Variants in MAGI2 observed in about 807,000 individuals in gnomAD.
MAGI2 encodes the protein membrane-associated guanylate kinase, WW and PDZ domain-containing protein 2.
In MAGI2, 35 loss-of-function variants were observed where a neutral mutation model predicts 133.3. The observed-to-expected ratio is 0.26, with a 90% CI of 0.20 to 0.35. The LOEUF (loss-of-function observed/expected upper bound fraction) is 0.35, where lower values mean the gene tolerates loss of function less well. Among genes scored for constraint, MAGI2 ranks in the 10% least tolerant of loss-of-function variants. The pLI, the probability that MAGI2 is intolerant of heterozygous loss-of-function variation, is 1.00. For synonymous variants in MAGI2, 729 were observed against 710.6 expected, an observed-to-expected ratio of 1.03 and a Z score of -0.41; for missense variants, 1,636 against 1,863.4, an observed-to-expected ratio of 0.88 and a Z score of 2.25.
chr7:78,435,887 G>C (rs890222362), intron 6 of MAGI2, among the ~76,000 whole-genome samples: 1 of 152,158 alleles, frequency 6.6e-6, no homozygotes, highest in Non-Finnish European at 1.5e-5. Context: ...ACACATCCAA[G>C]TTGGTAGGTA....
intron 9 of MAGI2, among the ~76,000 whole-genome samples, chr7:78,342,397 G>T (rs1213290369): frequency 6.6e-6 from 1 of 152,208 alleles, no homozygotes; most frequent in African/African-American, 2.4e-5. Flanking sequence ...GGAAGACAGT[G>T]TGGCAATTCC....
At chr7:78,462,699 T>A (rs1409615282) in intron 6 of MAGI2, among the ~76,000 whole-genome samples, 3 of 152,246 alleles carry the variant, frequency 2.0e-5, no homozygotes. Context: ...AATGAATGAT[T>A]AATATTTTCC....
intron 1 of MAGI2, among the ~76,000 whole-genome samples, chr7:79,385,913 C>G (rs945293330): frequency 1.3e-5 from 2 of 151,912 alleles, no homozygotes; most frequent in African/African-American, 4.8e-5. Flanking sequence ...ATTTTACTCT[C>G]TCTATGAATC....
chr7:78,177,950 T>C, intron 14 of MAGI2, 61 bp downstream of exon 14: 1 of 1,154,922 alleles, frequency 8.7e-7, no homozygotes, highest in Non-Finnish European at 1.3e-6. Context: ...AACACTATTT[T>C]CCCTGGTGTT....
chr7:79,248,585 T>C (rs1206755175), intron 1 of MAGI2, among the ~76,000 whole-genome samples: 3 of 152,156 alleles, frequency 2.0e-5, no homozygotes, highest in Admixed American at 6.5e-5. Flanking sequence ...CCTTAGTACA[T>C]GGATCATTCT....
In MAGI2 at chr7:78,194,543, T is replaced by TA. The variant is rs201755439; in HGVS notation, c.2269+330dup. The stretch of plus-strand genomic sequence containing the variant: ...AGGCTCAAGATCAGATTAAACAGAT[T>TA]AAAAAAAAAGCCAAACACTTCTTTT... On this transcript the variant is annotated intron_variant, in intron 12 of 21. Coordinates refer to ENST00000354212, the MANE Select transcript of MAGI2 (RefSeq NM_012301.4). 1.3e-4 allele frequency among the ~76,000 whole-genome samples: 20 copies of TA among 151,068 alleles called. No homozygotes were observed. The East Asian group carries it at 3.5e-3, about 26-fold the overall frequency.
At chr7:78,829,956 G>A (rs1015645932) in intron 2 of MAGI2, among the ~76,000 whole-genome samples, 1 of 151,946 alleles carries the variant, frequency 6.6e-6, no homozygotes, top group African/African-American at 2.4e-5. Context: ...TTTGGTGTTT[G>A]TTAGAAAGTT....
intron 1 of MAGI2, among the ~76,000 whole-genome samples, chr7:79,229,781 A>C (rs972447747): frequency 6.6e-6 from 1 of 151,706 alleles, no homozygotes; most frequent in African/African-American, 2.4e-5. Flanking sequence ...TTTTTTTTTA[A>C]GTTTTTTTAA....
At chr7:78,926,512 C>G (rs1272516662) in intron 2 of MAGI2, among the ~76,000 whole-genome samples, 3 of 151,948 alleles carry the variant, frequency 2.0e-5, no homozygotes, top group East Asian at 3.9e-4. Context: ...GCCATCCATA[C>G]AGTTCCTGTC....
At chr7:78,893,431 G>T (rs1056191084) in intron 2 of MAGI2, among the ~76,000 whole-genome samples, 4 of 152,058 alleles carry the variant, frequency 2.6e-5, no homozygotes, top group Non-Finnish European at 5.9e-5. Flanking sequence ...ACAGGCACAC[G>T]TATGTTTATT....
At chr7:78,679,700 C>A (rs550812461) in intron 2 of MAGI2, among the ~76,000 whole-genome samples, 1 of 152,040 alleles carries the variant, frequency 6.6e-6, no homozygotes, top group Non-Finnish European at 1.5e-5. Context: ...AAAGACAGGT[C>A]GGAGGAAGCA....
At chr7:78,864,795 C>A (rs1184406393) in intron 2 of MAGI2, among the ~76,000 whole-genome samples, 1 of 152,110 alleles carries the variant, frequency 6.6e-6, no homozygotes. Context: ...ATTTAGGGTT[C>A]ATTTTTTCCC....
At chr7:78,410,712 G>A (rs1348314767) in intron 6 of MAGI2, among the ~76,000 whole-genome samples, 2 of 151,848 alleles carry the variant, frequency 1.3e-5, no homozygotes, top group African/African-American at 4.8e-5. Context: ...GAGAAAAAGA[G>A]TAAGATGGGA....
intron 6 of MAGI2, among the ~76,000 whole-genome samples, chr7:78,455,993 A>C (rs564341808): frequency 3.2e-4 from 49 of 151,942 alleles, no homozygotes; most frequent in African/African-American, 1.0e-3. Context: ...TTTTCTTTAC[A>C]GCTCTCAGGG....
chr7:78,703,821 CAT>C (rs1409232902), intron 2 of MAGI2, among the ~76,000 whole-genome samples: 5 of 83,674 alleles, frequency 6.0e-5, no homozygotes, highest in African/African-American at 9.0e-5. Flanking sequence ...TACACACACA[CAT>C]ACACACACAA....
intron 6 of MAGI2, among the ~76,000 whole-genome samples, chr7:78,371,494 C>T (rs1017356520): frequency 6.6e-6 from 1 of 151,974 alleles, no homozygotes; most frequent in African/African-American, 2.4e-5. Context: ...CTTCTTAATG[C>T]CAATGCCATA....
At chr7:78,141,853 G>C (rs1479971511) in intron 16 of MAGI2, among the ~76,000 whole-genome samples, 1 of 152,124 alleles carries the variant, frequency 6.6e-6, no homozygotes, top group African/African-American at 2.4e-5. Context: ...ACGTTGCTGA[G>C]GGCAGAAAGC....
intron 1 of MAGI2, among the ~76,000 whole-genome samples, chr7:79,102,769 T>C (rs573778496): frequency 1.3e-5 from 2 of 152,324 alleles, no homozygotes; most frequent in East Asian, 3.9e-4. Flanking sequence ...AAAAGGATAT[T>C]GCGATGATCT....
intron 10 of MAGI2, among the ~76,000 whole-genome samples, chr7:78,225,462 A>G (rs1789280432): frequency 6.6e-6 from 1 of 151,946 alleles, no homozygotes; most frequent in African/African-American, 2.4e-5. Context: ...TGATCCTCCT[A>G]CCTCAGCCTC....
Sources: allele counts gnomAD v4.1 joint callset (sites outside exome capture counted in the v4.1 genomes callset), GRCh38; gene constraint gnomAD v4.1.1; transcripts MANE v1.5; gene names NCBI Gene and HGNC (gene_info 2026-07-23, HGNC 2026-07-21).